CADM1: variants seen among roughly 807,000 people sequenced by gnomAD.
CADM1 encodes the protein TSLC-1.
Under a neutral mutation model 53.1 loss-of-function variants are expected in CADM1, and 15 were observed. The observed-to-expected ratio is 0.28, with a 90% CI of 0.19 to 0.44. The LOEUF is 0.44. CADM1 is among the 20% of genes least tolerant of loss of function. The pLI is 1.00. For synonymous variants in CADM1, 281 were observed against 243.0 expected (o/e 1.16, Z -1.45); for missense variants, 434 against 611.3 (o/e 0.71, Z 3.06).
Position 115,240,368 on chromosome 11 carries a change from A to C in CADM1, c.177T>G (p.Val59=). Residue 59 remains valine (V), a synonymous_variant, in exon 2 of 12, where the codon GTT becomes GTG. Coordinates refer to ENST00000331581, the MANE Select transcript of CADM1 (RefSeq NM_001301043.2). Reference sequence around the variant, plus strand: ...TATTGACTTGGCAACTGATGGTCGCAACCTCTCCCTCGATCACTGTCACGT... The same window carrying C: ...TATTGACTTGGCAACTGATGGTCGCCACCTCTCCCTCGATCACTGTCACGT... The part of the protein sequence containing the change: ...TKDVTVIEGE[V]ATISCQVNKS... 6.2e-7 allele frequency: 1 copy of C among 1,613,818 alleles called. No homozygotes were observed. Among genetic ancestry groups the C allele is most frequent in the South Asian group, 1.1e-5 (1 of 91,066 alleles).
In CADM1 at chr11:115,238,382, G is replaced by A. The variant is rs12283904; in HGVS notation, c.424+118C>T. The A allele has an allele frequency of 5.7e-4, 631 of 1,099,650 alleles. 4 individuals are homozygous for A. In the African/African-American group the frequency reaches 8.0e-3, roughly 14 times the overall value. The allele number at this position is 1,099,650 out of a possible 1,614,324, so 68.1% of individuals were successfully genotyped here. On this transcript the variant is annotated intron_variant, in intron 3 of 11. Coordinates refer to ENST00000331581, the MANE Select transcript of CADM1 (RefSeq NM_001301043.2). ...ATTTTTAAAATTCAGCAAGATGGGC[G>A]GTGATTCTTCCTGAAACAAGTTTGA... is the stretch of plus-strand genomic sequence containing the variant.
At chr11:115,284,924 C>T (rs977870635) in intron 1 of CADM1, among the ~76,000 whole-genome samples, 3 of 152,164 alleles carry the variant, frequency 2.0e-5, no homozygotes, top group African/African-American at 7.2e-5. Flanking sequence ...GTTAAATGGA[C>T]TCTATCCAAG....
At chr11:115,241,589 G>A (rs957020221) in intron 1 of CADM1, among the ~76,000 whole-genome samples, 14 of 152,164 alleles carry the variant, frequency 9.2e-5, no homozygotes, top group Non-Finnish European at 2.1e-4. Flanking sequence ...GGGCTGATGG[G>A]GGGATGAAAA....
At chr11:115,341,192 C>T (rs901934152) in intron 1 of CADM1, among the ~76,000 whole-genome samples, 9 of 152,100 alleles carry the variant, frequency 5.9e-5, no homozygotes, top group Non-Finnish European at 1.0e-4. Context: ...TTGCATCCTC[C>T]TAGGTCATTA....
At chr11:115,235,247 G>C (rs17118115) in intron 3 of CADM1, among the ~76,000 whole-genome samples, 3,106 of 151,752 alleles carry the variant, frequency 0.02, 92 homozygotes, top group African/African-American at 0.07. Flanking sequence ...AAAAAAAAAG[G>C]GTTGGACAAG....
intron 1 of CADM1, among the ~76,000 whole-genome samples, chr11:115,496,339 C>T (rs973388613): frequency 6.6e-6 from 1 of 152,166 alleles, no homozygotes; most frequent in African/African-American, 2.4e-5. Flanking sequence ...CACCTACAAA[C>T]CAAGACAGTT....
At chr11:115,413,375 CTA>C (rs907482912) in intron 1 of CADM1, among the ~76,000 whole-genome samples, 2 of 152,148 alleles carry the variant, frequency 1.3e-5, no homozygotes, top group African/African-American at 4.8e-5. Context: ...TGCAAAACCC[CTA>C]TAATATTCAT....
intron 2 of CADM1, among the ~76,000 whole-genome samples, chr11:115,239,103 A>G (rs921921344): frequency 6.6e-6 from 1 of 152,216 alleles, no homozygotes; most frequent in Non-Finnish European, 1.5e-5. Context: ...TAGGGCCTAC[A>G]GCCTTTTAAA....
At chr11:115,410,706 G>A (rs1947439947) in intron 1 of CADM1, among the ~76,000 whole-genome samples, 1 of 152,112 alleles carries the variant, frequency 6.6e-6, no homozygotes, top group Non-Finnish European at 1.5e-5. Flanking sequence ...AGACAGAAGA[G>A]AAAAAGGTTA....
intron 5 of CADM1, among the ~76,000 whole-genome samples, chr11:115,222,265 T>C (rs1941434390): frequency 6.6e-6 from 1 of 152,094 alleles, no homozygotes; most frequent in South Asian, 2.1e-4. Context: ...TTATTGGAGT[T>C]TGGAGTAGAA....
chr11:115,384,177 T>C (rs1946643795), intron 1 of CADM1, among the ~76,000 whole-genome samples: 1 of 152,210 alleles, frequency 6.6e-6, no homozygotes, highest in Non-Finnish European at 1.5e-5. Flanking sequence ...ATTGAACAGA[T>C]AATTGGATTT....
chr11:115,450,437 C>T (rs1002912807), intron 1 of CADM1, among the ~76,000 whole-genome samples: 2 of 152,152 alleles, frequency 1.3e-5, no homozygotes, highest in Non-Finnish European at 2.9e-5. Flanking sequence ...AGGAGGAAAC[C>T]TGCTAAATGC....
chr11:115,500,485 T>C (rs1949706168), intron 1 of CADM1, among the ~76,000 whole-genome samples: 1 of 152,218 alleles, frequency 6.6e-6, no homozygotes. Flanking sequence ...AATTCACTTA[T>C]GTATGAGACT....
chr11:115,287,713 G>A (rs1943767741), intron 1 of CADM1, among the ~76,000 whole-genome samples: 2 of 152,178 alleles, frequency 1.3e-5, no homozygotes, highest in Non-Finnish European at 2.9e-5. Context: ...TTTACAAAAG[G>A]AATAGTGAAA....
chr11:115,446,769 T>C (rs774154540), intron 1 of CADM1, among the ~76,000 whole-genome samples: 1 of 152,172 alleles, frequency 6.6e-6, no homozygotes, highest in African/African-American at 2.4e-5. Context: ...CAGCCTCGAC[T>C]AGGAGACAAC....
chr11:115,429,555 G>A (rs1947987176), intron 1 of CADM1, among the ~76,000 whole-genome samples: 3 of 150,186 alleles, frequency 2.0e-5, no homozygotes, highest in South Asian at 4.2e-4. Context: ...AGTTGAGATC[G>A]TGCCATTGCG....
intron 1 of CADM1, among the ~76,000 whole-genome samples, chr11:115,304,930 G>A (rs1944325099): frequency 6.6e-6 from 1 of 151,894 alleles, no homozygotes; most frequent in Non-Finnish European, 1.5e-5. Flanking sequence ...TGTAAACAAT[G>A]GCAAAAACCT....
chr11:115,344,165 A>AT (rs5794971), intron 1 of CADM1, among the ~76,000 whole-genome samples: 152,208 of 152,210 alleles, frequency 1, 76,103 homozygotes, highest in Middle Eastern at 1. Context: ...ATATGGACAC[A>AT]GAATTCAAGT....
chr11:115,361,096 G>A (rs910370074), intron 1 of CADM1, among the ~76,000 whole-genome samples: 2 of 152,158 alleles, frequency 1.3e-5, no homozygotes, highest in Non-Finnish European at 2.9e-5. Flanking sequence ...AATTCTGCAA[G>A]AGCAGGGTGG....
Sources: allele counts gnomAD v4.1 joint callset (sites outside exome capture counted in the v4.1 genomes callset), GRCh38; gene constraint gnomAD v4.1.1; transcripts MANE v1.5; gene names NCBI Gene and HGNC (gene_info 2026-07-23, HGNC 2026-07-21).